The following PKNOX2 variants were observed in gnomAD, a reference collection of about 807,000 sequenced individuals.
The protein encoded by PKNOX2 is homeobox protein PKNOX2.
In PKNOX2, 14 loss-of-function variants were observed where a neutral mutation model predicts 53.1. That is an observed-to-expected ratio of 0.26 (90% CI 0.17 to 0.41). PKNOX2 has a LOEUF of 0.41. PKNOX2 is among the 10% of genes least tolerant of loss of function. The pLI is 1.00. For missense variants in PKNOX2, 496 were observed against 602.8 expected, an observed-to-expected ratio of 0.82 and a Z score of 1.85; for synonymous variants, 257 against 242.8, an observed-to-expected ratio of 1.06 and a Z score of -0.54.
At chr11:125,371,046 G>T (rs976050894) in intron 5 of PKNOX2, among the ~76,000 whole-genome samples, 40 of 152,192 alleles carry the variant, frequency 2.6e-4, no homozygotes, top group African/African-American at 9.4e-4. Context: ...TTTTATTTGT[G>T]TATGAGGATG....
chr11:125,425,391 T>C (rs1353217653), intron 10 of PKNOX2, among the ~76,000 whole-genome samples: 2 of 152,242 alleles, frequency 1.3e-5, no homozygotes, highest in Non-Finnish European at 2.9e-5. Flanking sequence ...TTTCTTTTTC[T>C]TTTTCTTTTC....
chr11:125,253,259 G>A (rs1194769616), intron 2 of PKNOX2, among the ~76,000 whole-genome samples: 1 of 152,126 alleles, frequency 6.6e-6, no homozygotes, highest in African/African-American at 2.4e-5. Flanking sequence ...TTGCATGATA[G>A]CCTCTCAGTC....
At position 125,408,024 on chromosome 11, in the gene PKNOX2, A is replaced by C. The variant is rs544775769; in HGVS notation, c.589-2172A>C. Among the ~76,000 whole-genome samples, 3 of 152,258 alleles carry C rather than the reference A, an allele frequency of 2.0e-5. No individual in the cohort carries two copies. In the South Asian group the frequency reaches 6.2e-4, roughly 32 times the overall value. ...GGACTTCTGAGTTTTAGTTGTTTTT[A>C]TCTGTTCACCTTGCCTGCAATGATG... On this transcript the variant is annotated intron_variant, in intron 7 of 12. Coordinates refer to ENST00000298282, the MANE Select transcript of PKNOX2 (RefSeq NM_001382323.2).
intron 2 of PKNOX2, among the ~76,000 whole-genome samples, chr11:125,276,698 G>A (rs1327779395): frequency 6.6e-6 from 1 of 152,176 alleles, no homozygotes; most frequent in African/African-American, 2.4e-5. Context: ...GACCTGGGGA[G>A]AGAAGGAAGT....
intron 10 of PKNOX2, among the ~76,000 whole-genome samples, chr11:125,425,708 A>G (rs947731801): frequency 6.6e-6 from 1 of 152,250 alleles, no homozygotes; most frequent in Non-Finnish European, 1.5e-5. Context: ...TGCTAAAAGT[A>G]GCGCTGACCC....
At chr11:125,401,094 C>T (rs1466195335) in intron 7 of PKNOX2, among the ~76,000 whole-genome samples, 3 of 151,036 alleles carry the variant, frequency 2.0e-5, no homozygotes, top group African/African-American at 7.3e-5. Flanking sequence ...GGGGCAGGGG[C>T]AAGGGGAAGC....
At chr11:125,294,044 G>A (rs1947494946) in intron 2 of PKNOX2, among the ~76,000 whole-genome samples, 1 of 152,210 alleles carries the variant, frequency 6.6e-6, no homozygotes, top group Admixed American at 6.5e-5. Context: ...GAACTCTGTT[G>A]TAGACTGCCA....
At chr11:125,395,406 C>T (rs190882873) in intron 6 of PKNOX2, among the ~76,000 whole-genome samples, 67 of 152,310 alleles carry the variant, frequency 4.4e-4, no homozygotes, top group African/African-American at 1.5e-3. Context: ...TTTGTAAGAA[C>T]ATATGTTTTT....
intron 1 of PKNOX2, among the ~76,000 whole-genome samples, chr11:125,231,973 C>T (rs1283171280): frequency 6.6e-6 from 1 of 152,218 alleles, no homozygotes; most frequent in Non-Finnish European, 1.5e-5. Flanking sequence ...AGCAGCTTCT[C>T]ACCCAGTGCA....
chr11:125,423,890 G>C (rs1435284658), intron 10 of PKNOX2, among the ~76,000 whole-genome samples: 1 of 152,204 alleles, frequency 6.6e-6, no homozygotes, highest in African/African-American at 2.4e-5. Context: ...GCAGGAAGGT[G>C]AAGAATGGGA....
chr11:125,281,062 CA>C (rs1407904993), intron 2 of PKNOX2, among the ~76,000 whole-genome samples: 1 of 152,186 alleles, frequency 6.6e-6, no homozygotes, highest in African/African-American at 2.4e-5. Flanking sequence ...ACTCCAAAGA[CA>C]ATCCAGAATT....
rs543456872 is a variant in PKNOX2, at chr11:125,272,583, A to G, written c.-130+37468A>G. ...CTCTCTCCCCTTCTCCCTCTGTAAC[A>G]TGGAGGATTTGGGCCTTGTTCTACC... On this transcript the variant is annotated intron_variant, in intron 2 of 12. Transcript: ENST00000298282. 2.6e-5 allele frequency among the ~76,000 whole-genome samples: 4 copies of G among 152,164 alleles called. No homozygotes were observed. In the East Asian group the frequency reaches 5.8e-4, roughly 22 times the overall value.
Position 125,250,242 on chromosome 11 carries a change from C to T in PKNOX2, c.-130+15127C>T, listed in dbSNP as rs141331009. Among the ~76,000 whole-genome samples the T allele has an allele frequency of 1.4e-3, 220 of 152,068 alleles. 2 individuals carry two copies. Among genetic ancestry groups the T allele is most frequent in the African/African-American group, 5.1e-3 (213 of 41,474 alleles). Reference sequence around the variant, plus strand: ...GGGGTGATAAATTTGAGGTCCTTCACCTCAAGTTACGTATATTTCTTTTTT... The same window carrying T: ...GGGGTGATAAATTTGAGGTCCTTCATCTCAAGTTACGTATATTTCTTTTTT... On this transcript the variant is annotated intron_variant, in intron 2 of 12. Transcript: ENST00000298282.
At position 125,165,247 on chromosome 11, in the gene PKNOX2, G is replaced by A. The variant is rs999198401; in HGVS notation, c.-201+471G>A. Reference sequence around the variant, plus strand: ...CCGGGCTGCGGACTCGAATCGCCGCGGGCCCAACCCCGTAGCGGGCGGGCG... The same window carrying A: ...CCGGGCTGCGGACTCGAATCGCCGCAGGCCCAACCCCGTAGCGGGCGGGCG... On this transcript the variant is annotated intron_variant, in intron 1 of 12. Coordinates refer to ENST00000298282, the MANE Select transcript of PKNOX2 (RefSeq NM_001382323.2). This position sits in a 1 kb window ranked among gnomAD's most constrained non-coding sequence, Gnocchi z 4.5. 6.6e-6 allele frequency among the ~76,000 whole-genome samples: 1 copy of A among 151,886 alleles called. No homozygotes were observed. Among genetic ancestry groups the A allele is most frequent in the African/African-American group, 2.4e-5 (1 of 41,410 alleles).
At chr11:125,331,436 C>T (rs56017289) in intron 2 of PKNOX2, among the ~76,000 whole-genome samples, 6 of 152,032 alleles carry the variant, frequency 3.9e-5, no homozygotes, top group Non-Finnish European at 8.8e-5. Flanking sequence ...CACTGTCCCC[C>T]CTTCCTCTGA....
intron 3 of PKNOX2, among the ~76,000 whole-genome samples, chr11:125,337,454 G>A (rs962060239): frequency 2.0e-4 from 31 of 152,326 alleles, no homozygotes; most frequent in Admixed American, 1.2e-3. Flanking sequence ...ATCGGACTGC[G>A]CTCAGAATCC....
chr11:125,215,027 G>C (rs117429518), intron 1 of PKNOX2, among the ~76,000 whole-genome samples: 1 of 152,022 alleles, frequency 6.6e-6, no homozygotes, highest in African/African-American at 2.4e-5. Flanking sequence ...GTGGGAGAGC[G>C]TCCGCGAAGG....
At chr11:125,364,501 C>CCTTCATCCCT (rs1257255830) in intron 4 of PKNOX2, among the ~76,000 whole-genome samples, 7 of 152,174 alleles carry the variant, frequency 4.6e-5, no homozygotes, top group Non-Finnish European at 1.0e-4. Context: ...ACTTCATCCT[C>CCTTCATCCCT]CTTCATCCCT....
At chr11:125,307,320 CATA>C (rs1373220744) in intron 2 of PKNOX2, among the ~76,000 whole-genome samples, 1 of 152,148 alleles carries the variant, frequency 6.6e-6, no homozygotes, top group Non-Finnish European at 1.5e-5. Context: ...GGCTCACACC[CATA>C]ATCCCAGCAC....
Sources: gnomAD v4.1 joint callset for allele counts (sites outside exome capture counted in the v4.1 genomes callset) on GRCh38, gnomAD v4.1.1 for gene constraint, Gnocchi (gnomAD v3.1) non-coding constraint, MANE v1.5 for transcripts, NCBI Gene and HGNC (gene_info 2026-07-23, HGNC 2026-07-21) for gene names.